Variants in SYN2 observed in about 807,000 individuals in gnomAD.
The protein encoded by SYN2 is synapsin II, also known as synapsin-2.
In SYN2, 19 loss-of-function variants were observed where a neutral mutation model predicts 50.9. The ratio of observed to expected loss-of-function variants is 0.37; its 90% CI spans 0.26 to 0.55. The LOEUF (loss-of-function observed/expected upper bound fraction) is 0.55. Among genes scored for constraint, SYN2 ranks in the 20% least tolerant of loss-of-function variants. The pLI is 0.81. For missense variants in SYN2, 587 were observed against 576.4 expected, an observed-to-expected ratio of 1.02 and a Z score of -0.19; for synonymous variants, 255 against 224.9, an observed-to-expected ratio of 1.13 and a Z score of -1.20.
intron 5 of SYN2, among the ~76,000 whole-genome samples, chr3:12,157,758 A>G (rs1697501185): frequency 6.6e-6 from 1 of 152,304 alleles, no homozygotes; most frequent in South Asian, 2.1e-4. Flanking sequence ...AGTTCTCCAT[A>G]GCCGTTTGTG....
At chr3:12,007,786 C>T (rs965099723) in intron 1 of SYN2, among the ~76,000 whole-genome samples, 1 of 152,182 alleles carries the variant, frequency 6.6e-6, no homozygotes, top group African/African-American at 2.4e-5. Context: ...ACAGCAGTTT[C>T]CTTTGAATTT....
chr3:12,084,763 GGAA>G (rs1238720717), intron 1 of SYN2, among the ~76,000 whole-genome samples: 1 of 152,120 alleles, frequency 6.6e-6, no homozygotes. Context: ...CACATAAAAT[GGAA>G]GAAGGAGTAA....
intron 1 of SYN2, among the ~76,000 whole-genome samples, chr3:12,030,460 T>C (rs1225686022): frequency 6.9e-6 from 1 of 145,890 alleles, no homozygotes; most frequent in East Asian, 2.1e-4. Context: ...ATGGTACCAG[T>C]TCCTCCTTGT....
At chr3:12,126,910 ATTC>A (rs983492111) in intron 1 of SYN2, among the ~76,000 whole-genome samples, 2 of 152,128 alleles carry the variant, frequency 1.3e-5, no homozygotes, top group Non-Finnish European at 2.9e-5. Context: ...ATTTATTTTT[ATTC>A]TTCTTTGTTT....
chr3:12,063,222 G>T (rs961558128), intron 1 of SYN2, among the ~76,000 whole-genome samples: 2 of 151,984 alleles, frequency 1.3e-5, no homozygotes, highest in African/African-American at 4.8e-5. Context: ...CATAATGTTT[G>T]CAAAATTTTA....
intron 1 of SYN2, among the ~76,000 whole-genome samples, chr3:12,076,958 G>T (rs1213203160): frequency 6.6e-6 from 1 of 152,122 alleles, no homozygotes; most frequent in African/African-American, 2.4e-5. Context: ...GGAAGAAGAG[G>T]TGTTGAAGGA....
Position 12,191,938 on chromosome 3 carries a change from C to T in SYN2, c.*1313C>T, listed in dbSNP as rs542358809. ...TTTCACTCTGGCTGCTTCATGACTC[C>T]CTGATACTCAAGTATATTTTCCCAA... On this transcript the variant is annotated 3_prime_UTR_variant, in exon 13 of 13. Transcript: ENST00000621198. Among the ~76,000 whole-genome samples the T allele has an allele frequency of 4.6e-5, 7 of 152,238 alleles. No homozygotes were observed. In the East Asian group the frequency reaches 1.2e-3, roughly 25 times the overall value.
At chr3:12,022,904 G>A (rs149129357) in intron 1 of SYN2, among the ~76,000 whole-genome samples, 1 of 131,424 alleles carries the variant, frequency 7.6e-6, no homozygotes, top group Non-Finnish European at 1.7e-5. Context: ...GTAACATACT[G>A]GAGATTATAG....
At chr3:12,187,768 TTG>T (rs35996249) in intron 12 of SYN2, among the ~76,000 whole-genome samples, 156 bp downstream of exon 12, 102,251 of 149,874 alleles carry the variant, frequency 0.68, 37,815 homozygotes, top group South Asian at 0.83. Context: ...TTTTTGGTTT[TTG>T]TGTGTGTGTG....
intron 1 of SYN2, among the ~76,000 whole-genome samples, chr3:12,023,043 A>G (rs1694179491): frequency 6.6e-6 from 1 of 152,150 alleles, no homozygotes; most frequent in Non-Finnish European, 1.5e-5. Context: ...ATTGACCAGA[A>G]TCCCAGGAAT....
At chr3:12,119,761 A>G (rs914304154) in intron 1 of SYN2, among the ~76,000 whole-genome samples, 2 of 152,174 alleles carry the variant, frequency 1.3e-5, no homozygotes, top group Admixed American at 6.5e-5. Context: ...TTAGCTGCCT[A>G]TTTCTTGATT....
chr3:12,153,481 A>C, intron 5 of SYN2: 1 of 1,610,190 alleles, frequency 6.2e-7, no homozygotes, highest in Non-Finnish European at 8.5e-7. Flanking sequence ...GATCTTCAGG[A>C]CTCTTGAAGG....
chr3:12,179,856 AGCT>A (rs1437520419), intron 10 of SYN2, among the ~76,000 whole-genome samples: 1 of 152,328 alleles, frequency 6.6e-6, no homozygotes, highest in East Asian at 1.9e-4. Context: ...ACATACCTCC[AGCT>A]GCATCCAATT....
intron 1 of SYN2, among the ~76,000 whole-genome samples, chr3:12,056,698 G>A (rs1300834929): frequency 6.6e-6 from 1 of 152,052 alleles, no homozygotes; most frequent in African/African-American, 2.4e-5. Context: ...ATGAGTAGGG[G>A]GCAGGAGTTC....
chr3:12,145,591 T>C (rs1017955707), intron 3 of SYN2, 88 bp from the exon 4 acceptor site: 2 of 1,469,150 alleles, frequency 1.4e-6, no homozygotes, highest in South Asian at 1.3e-5. Flanking sequence ...AGCCCTCTTC[T>C]TTATCTTGGG....
At chr3:12,155,670 T>A (rs1035239246) in intron 5 of SYN2, among the ~76,000 whole-genome samples, 3 of 152,354 alleles carry the variant, frequency 2.0e-5, no homozygotes, top group South Asian at 4.1e-4. Flanking sequence ...CTGTAGGACC[T>A]GGGCACCATT....
chr3:12,175,123 C>G (rs912879114), intron 10 of SYN2, among the ~76,000 whole-genome samples: 4 of 152,146 alleles, frequency 2.6e-5, no homozygotes, highest in African/African-American at 9.7e-5. Context: ...CTAAGTTGGC[C>G]TGCTTTTTAT....
chr3:12,188,101 A>G (rs1169776582), intron 12 of SYN2, among the ~76,000 whole-genome samples: 1 of 152,220 alleles, frequency 6.6e-6, no homozygotes, highest in Non-Finnish European at 1.5e-5. Flanking sequence ...CCCAGAATGA[A>G]AAGAGGGAAG....
chr3:12,159,038 C>T (rs1325776433), intron 5 of SYN2: 1 of 677,354 alleles, frequency 1.5e-6, no homozygotes, highest in Non-Finnish European at 2.3e-6. Flanking sequence ...TTCCGACCTG[C>T]ATACTCAGTA....
Sources: gnomAD v4.1 joint callset for allele counts (sites outside exome capture counted in the v4.1 genomes callset) on GRCh38, gnomAD v4.1.1 for gene constraint, MANE v1.5 for transcripts, NCBI Gene and HGNC (gene_info 2026-07-23, HGNC 2026-07-21) for gene names.